SLC5A12: variants seen among roughly 807,000 people sequenced by gnomAD.
SLC5A12 encodes sodium-coupled monocarboxylate transporter 2.
In SLC5A12, 46 loss-of-function variants were observed where a neutral mutation model predicts 72.7. The observed-to-expected ratio is 0.63, with a 90% CI of 0.50 to 0.81. SLC5A12 has a LOEUF of 0.81. Among genes scored for constraint, SLC5A12 ranks in the 30% least tolerant of loss-of-function variants. SLC5A12 has a pLI of 0.00. For missense variants in SLC5A12, 683 were observed against 740.7 expected, an observed-to-expected ratio of 0.92 and a Z score of 0.90; for synonymous variants, 275 against 264.4, an observed-to-expected ratio of 1.04 and a Z score of -0.39.
intron 9 of SLC5A12, among the ~76,000 whole-genome samples, chr11:26,691,402 T>C (rs1019906638): frequency 1.3e-5 from 2 of 152,148 alleles, no homozygotes; most frequent in Non-Finnish European, 2.9e-5. Context: ...CCTGGTAATT[T>C]TCTTTTAGAA....
chr11:26,672,462 T>G (rs1374230239), intron 14 of SLC5A12, among the ~76,000 whole-genome samples: 1 of 152,108 alleles, frequency 6.6e-6, no homozygotes, highest in Non-Finnish European at 1.5e-5. Context: ...GCTGCCAAGG[T>G]CTGGCAGTCA....
upstream of SLC5A12, among the ~76,000 whole-genome samples, chr11:26,722,332 G>A (rs533570604): frequency 1.3e-3 from 195 of 152,108 alleles, 1 homozygote; most frequent in Non-Finnish European, 1.0e-3. Flanking sequence ...TCGAGTCCTG[G>A]CTCAACCACG....
intron 2 of SLC5A12, among the ~76,000 whole-genome samples, chr11:26,712,104 T>C (rs570432711): frequency 8.5e-5 from 13 of 152,156 alleles, no homozygotes; most frequent in Non-Finnish European, 1.2e-4. Context: ...TGGTGAGTAG[T>C]AGGAAGTCTA....
At chr11:26,704,080 C>G in intron 4 of SLC5A12, 133 bp from the exon 5 acceptor site, 1 of 895,550 alleles carries the variant, frequency 1.1e-6, no homozygotes, top group Middle Eastern at 2.3e-4. Context: ...CTTTTATGTG[C>G]CAAGTACCAT....
At chr11:26,690,609 G>A (rs972847155) in intron 9 of SLC5A12, among the ~76,000 whole-genome samples, 9 of 143,170 alleles carry the variant, frequency 6.3e-5, no homozygotes, top group East Asian at 2.0e-4. Flanking sequence ...TTGGGACTTC[G>A]AGACCAGCCT....
chr11:26,678,796 A>G lies in SLC5A12; in HGVS notation c.1495T>C (p.Trp499Arg). The G allele has an allele frequency of 6.2e-7, 1 of 1,612,660 alleles. No individual in the cohort carries two copies. The highest frequency in any genetic ancestry group is 8.5e-7 in the Non-Finnish European group (1 of 1,179,062). The change falls in exon 13 of 15, where the codon TGG (tryptophan) becomes CGG (arginine). Residue 499 changes from tryptophan (W) to arginine (R), a missense_variant. Trp to Arg is a moderately radical substitution (Grantham distance 101, BLOSUM62 -3). Transcript: ENST00000396005. ...LSSRPGIADT[W>R]YSISYLYYSA... is the part of the protein sequence containing the mutation. ...TAGTAAAGGTAGGAGATCGAGTACCAGGTATCAGCTATTCCAGGTCTGTGG... is the reference window on the plus strand; with the variant it reads ...TAGTAAAGGTAGGAGATCGAGTACCGGGTATCAGCTATTCCAGGTCTGTGG...
intron 6 of SLC5A12, 110 bp downstream of exon 6, chr11:26,703,421 T>TAC (rs1394822318): frequency 7.3e-6 from 8 of 1,092,532 alleles, no homozygotes; most frequent in South Asian, 4.7e-5. Flanking sequence ...TACACACACA[T>TAC]ACATACACAC....
intron 1 of SLC5A12, among the ~76,000 whole-genome samples, chr11:26,713,712 A>T (rs1184572747): frequency 6.6e-6 from 1 of 152,140 alleles, no homozygotes; most frequent in Non-Finnish European, 1.5e-5. Context: ...TGTTATTAAT[A>T]CTGTATAAAT....
chr11:26,696,365 A>T (rs1332585902), intron 8 of SLC5A12, among the ~76,000 whole-genome samples: 2 of 152,222 alleles, frequency 1.3e-5, no homozygotes, highest in African/African-American at 4.8e-5. Flanking sequence ...AATGGAAGTT[A>T]TTAGCTGTCT....
At chr11:26,691,483 T>A (rs1202011483) in intron 9 of SLC5A12, among the ~76,000 whole-genome samples, 2 of 151,722 alleles carry the variant, frequency 1.3e-5, no homozygotes, top group African/African-American at 2.4e-5. Flanking sequence ...GTCACAGTAT[T>A]AAAAGAAAAT....
At chr11:26,710,772 G>A (rs1375444597) in intron 3 of SLC5A12, among the ~76,000 whole-genome samples, 1 of 152,014 alleles carries the variant, frequency 6.6e-6, no homozygotes, top group African/African-American at 2.4e-5. Context: ...ATATTTCTCA[G>A]TATAAGCACA....
At position 26,692,587 on chromosome 11, in the gene SLC5A12, C is replaced by T. The variant is rs778698377; in HGVS notation, c.1055G>A (p.Ser352Asn). The T allele has an allele frequency of 6.2e-7, 1 of 1,613,524 alleles. No homozygotes were observed. The highest frequency in any genetic ancestry group is 2.2e-5 in the East Asian group (1 of 44,862). The change falls in exon 9 of 15, where the codon AGC becomes AAC. Residue 352 changes from serine (S) to asparagine (N), a missense_variant. Transcript: ENST00000396005. Reference sequence around the variant, plus strand: ...GGTCACTGTTGCCAAGGCATTGATGCTGGAAGCCACGGTGCTATAAGGAAA... The same window carrying T: ...GGTCACTGTTGCCAAGGCATTGATGTTGGAAGCCACGGTGCTATAAGGAAA... ...FSGTLSTVASSINALATVTFE... is the reference protein window; with the variant it reads ...FSGTLSTVASNINALATVTFE...
chr11:26,698,278 C>T, intron 7 of SLC5A12, 128 bp downstream of exon 7: 2 of 1,241,526 alleles, frequency 1.6e-6, no homozygotes, highest in South Asian at 3.2e-5. Flanking sequence ...AAGAAAGAAA[C>T]CAACTTCTTG....
intron 4 of SLC5A12, among the ~76,000 whole-genome samples, chr11:26,705,676 T>A (rs4923380): frequency 0.27 from 41,206 of 151,964 alleles, 6,142 homozygotes; most frequent in East Asian, 0.43. Flanking sequence ...CTAGCTTAAT[T>A]TTCTTAAATC....
At chr11:26,722,247 T>TGTG (rs1313347816), upstream of SLC5A12, among the ~76,000 whole-genome samples, 1 of 152,130 alleles carries the variant, frequency 6.6e-6, no homozygotes, top group African/African-American at 2.4e-5. Context: ...GAGTGAAGGC[T>TGTG]GTGTGCCTGC....
chr11:26,712,332 C>G (rs1855248930), intron 2 of SLC5A12, among the ~76,000 whole-genome samples: 1 of 151,928 alleles, frequency 6.6e-6, no homozygotes, highest in African/African-American at 2.4e-5. Context: ...ACAAAAAAAG[C>G]AAAACCTAGT....
chr11:26,714,835 G>T (rs1855312235), intron 1 of SLC5A12, among the ~76,000 whole-genome samples: 1 of 151,988 alleles, frequency 6.6e-6, no homozygotes, highest in Admixed American at 6.6e-5. Flanking sequence ...AATTTATCCT[G>T]CCAGATTCTC....
intron 8 of SLC5A12, 114 bp downstream of exon 8, chr11:26,697,050 A>C (rs893499101): frequency 2.4e-6 from 2 of 845,804 alleles, no homozygotes; most frequent in African/African-American, 3.4e-5. Context: ...CAAATAACAC[A>C]TTCAGAAGGT....
At chr11:26,709,905 C>T (rs2133208426) in intron 3 of SLC5A12, among the ~76,000 whole-genome samples, 1 of 152,002 alleles carries the variant, frequency 6.6e-6, no homozygotes, top group South Asian at 2.1e-4. Flanking sequence ...GAAAACAATC[C>T]TTTTATTGAA....
Sources: allele counts gnomAD v4.1 joint callset (sites outside exome capture counted in the v4.1 genomes callset), GRCh38; gene constraint gnomAD v4.1.1; transcripts MANE v1.5; gene names NCBI Gene and HGNC (gene_info 2026-07-23, HGNC 2026-07-21).